Variants in MAP2K5 observed in about 807,000 individuals in gnomAD.
The protein encoded by MAP2K5 is dual specificity mitogen-activated protein kinase kinase 5.
In MAP2K5, 49 loss-of-function variants were observed where a neutral mutation model predicts 83.1. The observed-to-expected ratio is 0.59, with a 90% confidence interval of 0.47 to 0.75. The LOEUF (loss-of-function observed/expected upper bound fraction) is 0.75, where lower values mean the gene tolerates loss of function less well. Among genes scored for constraint, MAP2K5 ranks in the 30% least tolerant of loss-of-function variants. The pLI is 0.00. For synonymous variants in MAP2K5, 202 were observed against 191.8 expected, an observed-to-expected ratio of 1.05 and a Z score of -0.44; for missense variants, 457 against 557.5, an observed-to-expected ratio of 0.82 and a Z score of 1.82.
intron 13 of MAP2K5, among the ~76,000 whole-genome samples, chr15:67,683,142 CA>C (rs546008036): frequency 2.0e-4 from 29 of 141,988 alleles, no homozygotes; most frequent in Admixed American, 2.8e-4. Context: ...AACTCTGTCT[CA>C]AAAAAAAAAA....
chr15:67,658,538 T>C lies in MAP2K5; in HGVS notation c.737-15T>C, dbSNP rs202010303. The C allele has an allele frequency of 5.2e-4, 828 of 1,604,696 alleles. 8 individuals are homozygous for C. The South Asian group carries it at 7.2e-3, about 14-fold the overall frequency. On this transcript the variant is annotated splice_polypyrimidine_tract_variant and intron_variant, in intron 11 of 21. Transcript: ENST00000178640. Reference sequence around the variant, plus strand: ...TAATTTCATTTGTAGTAACATGGCATGTTTATCTCTACAGGGGGATCTTTG... The same window carrying C: ...TAATTTCATTTGTAGTAACATGGCACGTTTATCTCTACAGGGGGATCTTTG...
Position 67,555,994 on chromosome 15 carries a change from C to T in MAP2K5, c.184+5912C>T, listed in dbSNP as rs1309671273. ...AGATACGGGGTTTCACCATGTTGAC[C>T]AGACTGGTCTCAAACTCCTGACCTC... On this transcript the variant is annotated intron_variant, in intron 2 of 21. Transcript: ENST00000178640. The surrounding 1 kb of genome is among the most constrained non-coding windows in gnomAD (Gnocchi z 5.2). Among the ~76,000 whole-genome samples, 1 of 152,148 alleles carries T rather than the reference C, an allele frequency of 6.6e-6. No individual in the cohort carries two copies. The highest frequency in any genetic ancestry group is 2.4e-5 in the African/African-American group (1 of 41,436).
intron 8 of MAP2K5, among the ~76,000 whole-genome samples, chr15:67,621,588 A>G (rs2086188395): frequency 6.6e-6 from 1 of 152,208 alleles, no homozygotes; most frequent in Non-Finnish European, 1.5e-5. Context: ...ATAATTCTAT[A>G]CATAACAGTG....
chr15:67,807,042 A>G lies in MAP2K5; in HGVS notation c.*292A>G, dbSNP rs2090826236. Reference sequence around the variant, plus strand: ...GGTCCCTGCCCACTTCTGTTTTCCTAATGTTTTTCTCTATAAAGGGTCAGG... The same window carrying G: ...GGTCCCTGCCCACTTCTGTTTTCCTGATGTTTTTCTCTATAAAGGGTCAGG... On this transcript the variant is annotated 3_prime_UTR_variant, in exon 22 of 22. Coordinates refer to ENST00000178640, the MANE Select transcript of MAP2K5 (RefSeq NM_145160.3). This position sits in a 1 kb window ranked among gnomAD's most constrained non-coding sequence, Gnocchi z 5.1. The G allele has an allele frequency of 1.6e-6, 2 of 1,213,360 alleles. No homozygotes were observed. Among genetic ancestry groups the G allele is most frequent in the South Asian group, 1.5e-5 (1 of 64,530 alleles). 75.2% of individuals were successfully genotyped at this position (1,213,360 alleles called of 1,614,324 possible).
At chr15:67,695,846 T>C (rs1252461818) in intron 15 of MAP2K5, among the ~76,000 whole-genome samples, 1 of 152,218 alleles carries the variant, frequency 6.6e-6, no homozygotes, top group Admixed American at 6.5e-5. Flanking sequence ...TTAGCTTGGA[T>C]TGACAAAACT....
At chr15:67,595,439 G>T (rs758684530) in intron 7 of MAP2K5, among the ~76,000 whole-genome samples, 6 of 152,174 alleles carry the variant, frequency 3.9e-5, no homozygotes, top group Admixed American at 6.5e-5. Context: ...TGAAGCAAAG[G>T]TCTAGTGATG....
chr15:67,752,143 G>T (rs1209972351), intron 19 of MAP2K5, among the ~76,000 whole-genome samples: 3 of 151,970 alleles, frequency 2.0e-5, no homozygotes, highest in Non-Finnish European at 2.9e-5. Context: ...TCCGCTCACG[G>T]CAACCTCTGC....
intron 16 of MAP2K5, among the ~76,000 whole-genome samples, chr15:67,713,062 T>C (rs1053532457): frequency 6.6e-6 from 1 of 152,164 alleles, no homozygotes; most frequent in African/African-American, 2.4e-5. Context: ...TTTTAAATTT[T>C]AATGTTATAA....
At chr15:67,725,465 T>C (rs2089067630) in intron 16 of MAP2K5, among the ~76,000 whole-genome samples, 1 of 152,238 alleles carries the variant, frequency 6.6e-6, no homozygotes, top group Admixed American at 6.5e-5. Context: ...TGTTGGCACC[T>C]GCCAGCTAGT....
intron 20 of MAP2K5, among the ~76,000 whole-genome samples, chr15:67,772,449 T>A (rs1225555321): frequency 6.6e-6 from 1 of 152,232 alleles, no homozygotes; most frequent in Non-Finnish European, 1.5e-5. Context: ...TCATTCTTTA[T>A]TTGTGTTGCA....
chr15:67,689,157 AG>A (rs557105291), intron 13 of MAP2K5, among the ~76,000 whole-genome samples: 3 of 152,336 alleles, frequency 2.0e-5, no homozygotes, highest in South Asian at 4.2e-4. Context: ...CGGGAGGCTG[AG>A]GCAGAAGGAT....
rs1213703829 is a variant in MAP2K5 at position 67,665,050 on chromosome 15, A to G, written c.847+405A>G. The stretch of plus-strand genomic sequence containing the variant: ...TTCACATACTGGAAAGAAAAACTTT[A>G]TTTTTAATTTTTTTAAAGATGGGGT... On this transcript the variant is annotated intron_variant, in intron 13 of 21. Transcript: ENST00000178640. This position sits in a 1 kb window ranked among gnomAD's most constrained non-coding sequence, Gnocchi z 4.2. 6.6e-6 allele frequency among the ~76,000 whole-genome samples: 1 copy of G among 152,120 alleles called. No homozygotes were observed. The highest frequency in any genetic ancestry group is 1.5e-5 in the Non-Finnish European group (1 of 68,014).
chr15:67,772,099 C>T (rs1566959266), intron 20 of MAP2K5, among the ~76,000 whole-genome samples: 1 of 152,218 alleles, frequency 6.6e-6, no homozygotes, highest in African/African-American at 2.4e-5. Flanking sequence ...TTAGCTGTCC[C>T]ACAGCGGTTT....
intron 17 of MAP2K5, among the ~76,000 whole-genome samples, chr15:67,743,514 C>T (rs2089538419): frequency 6.6e-6 from 1 of 152,170 alleles, no homozygotes; most frequent in Admixed American, 6.5e-5. Flanking sequence ...CTAAAAGTCC[C>T]ATTTGTAGTT....
chr15:67,766,864 G>A (rs2090050694), intron 19 of MAP2K5, among the ~76,000 whole-genome samples: 1 of 152,126 alleles, frequency 6.6e-6, no homozygotes, highest in Admixed American at 6.5e-5. Context: ...TTTATGTGTG[G>A]CATTCTCACC....
Position 67,690,538 on chromosome 15 carries a change from A to AT in MAP2K5, c.848-1927dup, listed in dbSNP as rs11418264. Among the ~76,000 whole-genome samples, 144,096 of 147,066 alleles carry AT rather than the reference A, an allele frequency of 0.98. 70,601 individuals carry two copies. Among genetic ancestry groups the AT allele is most frequent in the South Asian group, 1 (4,626 of 4,646 alleles). ...GGTAAAGGGGACATTTGTCTTAGCA[A>AT]TTTTTTTTTTTTTTGAGACAAGTCT... On this transcript the variant is annotated intron_variant, in intron 13 of 21. Transcript: ENST00000178640. The surrounding 1 kb of genome is among the most constrained non-coding windows in gnomAD (Gnocchi z 4.3).
intron 8 of MAP2K5, among the ~76,000 whole-genome samples, chr15:67,604,116 A>G (rs550573207): frequency 1.3e-5 from 2 of 150,288 alleles, no homozygotes; most frequent in South Asian, 2.1e-4. Flanking sequence ...GTTGTACAAT[A>G]TGAAATTCTG....
At chr15:67,599,804 C>A (rs1043695623) in intron 7 of MAP2K5, among the ~76,000 whole-genome samples, 1 of 151,788 alleles carries the variant, frequency 6.6e-6, no homozygotes, top group Non-Finnish European at 1.5e-5. Context: ...AGCATCTGGA[C>A]CAGTGTGTAG....
rs4776943 is a variant in MAP2K5 at position 67,543,731 on chromosome 15, T to C, written c.135+261T>C. The stretch of plus-strand genomic sequence containing the variant: ...CATGGCCCGGGCTGGGACACACATA[T>C]AGACACAACCACGCAAATGCAAACT... On this transcript the variant is annotated intron_variant, in intron 1 of 21. Coordinates refer to ENST00000178640, the MANE Select transcript of MAP2K5 (RefSeq NM_145160.3). This position sits in a 1 kb window ranked among gnomAD's most constrained non-coding sequence, Gnocchi z 4.3. Among the ~76,000 whole-genome samples the C allele has an allele frequency of 0.23, 34,718 of 152,180 alleles. 4,958 individuals are homozygous for C. Among genetic ancestry groups the C allele is most frequent in the East Asian group, 0.5 (2,593 of 5,178 alleles).
Sources: allele counts gnomAD v4.1 joint callset (sites outside exome capture counted in the v4.1 genomes callset), GRCh38; gene constraint gnomAD v4.1.1; non-coding constraint Gnocchi (gnomAD v3.1); transcripts MANE v1.5; gene names NCBI Gene and HGNC (gene_info 2026-07-23, HGNC 2026-07-21).